DSCAML1: variants seen among roughly 807,000 people sequenced by gnomAD.
The protein encoded by DSCAML1 is DS cell adhesion molecule like 1.
DSCAML1 carries 38 observed loss-of-function variants against 200.5 expected under a neutral mutation model. The ratio of observed to expected loss-of-function variants is 0.19; its 90% CI spans 0.15 to 0.25. The LOEUF (loss-of-function observed/expected upper bound fraction) is 0.25. DSCAML1 is among the 10% of genes least tolerant of loss of function. The pLI is 1.00. For missense variants in DSCAML1, 2,223 were observed against 2,858.8 expected, an observed-to-expected ratio of 0.78 and a Z score of 5.07; for synonymous variants, 1,215 against 1,165.0, an observed-to-expected ratio of 1.04 and a Z score of -0.87.
intron 11 of DSCAML1, among the ~76,000 whole-genome samples, chr11:117,502,856 C>G (rs1345152522): frequency 6.6e-6 from 1 of 152,144 alleles, no homozygotes. Context: ...ACCCCCCGCT[C>G]ATAGTGTAGA....
chr11:117,800,711 G>T (rs2055649399), upstream of DSCAML1: 1 of 151,600 alleles, frequency 6.6e-6, no homozygotes, highest in African/African-American at 2.4e-5. Flanking sequence ...TTTTGTTTTT[G>T]TTTTTTTTAA....
At chr11:117,626,349 G>A (rs758195111) in intron 3 of DSCAML1, among the ~76,000 whole-genome samples, 1 of 152,190 alleles carries the variant, frequency 6.6e-6, no homozygotes, top group Non-Finnish European at 1.5e-5. Context: ...AGGACCCTGT[G>A]CCATGTTGCC....
At chr11:117,633,388 G>T (rs958930314) in intron 3 of DSCAML1, among the ~76,000 whole-genome samples, 10 of 152,214 alleles carry the variant, frequency 6.6e-5, no homozygotes, top group Admixed American at 2.6e-4. Context: ...GACAGACACG[G>T]CTAAATCCAG....
chr11:117,694,589 G>A (rs778528606), intron 3 of DSCAML1, among the ~76,000 whole-genome samples: 6 of 152,148 alleles, frequency 3.9e-5, no homozygotes, highest in Non-Finnish European at 7.4e-5. Context: ...CTAGGTCTCT[G>A]CCCCATCTAG....
intron 3 of DSCAML1, among the ~76,000 whole-genome samples, chr11:117,769,908 A>T (rs867030860): frequency 6.6e-6 from 1 of 152,180 alleles, no homozygotes; most frequent in Middle Eastern, 3.4e-3. Context: ...TCTAGGCAGT[A>T]CCTTCATGAG....
intron 32 of DSCAML1, 98 bp downstream of exon 32, chr11:117,430,624 A>G (rs1374409203): frequency 2.5e-5 from 35 of 1,403,186 alleles, no homozygotes; most frequent in Non-Finnish European, 3.3e-5. Flanking sequence ...CTGGGCTGGC[A>G]TGATCCTGGT....
chr11:117,578,063 T>C (rs1053984077), intron 3 of DSCAML1, among the ~76,000 whole-genome samples: 3 of 151,378 alleles, frequency 2.0e-5, no homozygotes, highest in East Asian at 4.0e-4. Context: ...GGTGAAACCC[T>C]GTCTTTACTA....
chr11:117,750,731 C>G (rs760238693), intron 3 of DSCAML1, among the ~76,000 whole-genome samples: 59 of 152,362 alleles, frequency 3.9e-4, no homozygotes, highest in Non-Finnish European at 8.1e-4. Context: ...GGTGCCACCA[C>G]TAACTGCTGT....
intron 3 of DSCAML1, among the ~76,000 whole-genome samples, chr11:117,761,127 G>A (rs1445912394): frequency 1.1e-4 from 16 of 152,102 alleles, no homozygotes; most frequent in Admixed American, 8.5e-4. Context: ...ACAGCCCACC[G>A]AGGAGTACTC....
At chr11:117,719,124 A>G (rs1323746478) in intron 3 of DSCAML1, among the ~76,000 whole-genome samples, 3 of 152,112 alleles carry the variant, frequency 2.0e-5, no homozygotes, top group Non-Finnish European at 4.4e-5. Flanking sequence ...GGGTGCTGTT[A>G]TATATTCATT....
chr11:117,814,533 C>T (rs1330906692), intron 1 of DSCAML1, among the ~76,000 whole-genome samples: 2 of 152,214 alleles, frequency 1.3e-5, no homozygotes, highest in Non-Finnish European at 2.9e-5. Flanking sequence ...TAATCAATCA[C>T]TCATTCATTC....
At chr11:117,600,138 C>T (rs774405680) in intron 3 of DSCAML1, among the ~76,000 whole-genome samples, 19 of 152,274 alleles carry the variant, frequency 1.2e-4, no homozygotes, top group Non-Finnish European at 2.5e-4. Flanking sequence ...GAAAAGCTTC[C>T]GAAATGAAGC....
intron 1 of DSCAML1, among the ~76,000 whole-genome samples, chr11:117,817,211 A>C (rs1475585213): frequency 6.6e-6 from 1 of 152,218 alleles, no homozygotes; most frequent in East Asian, 1.9e-4. Context: ...GAGACCCTGC[A>C]ACCCCATTGC....
At chr11:117,778,448 C>T (rs911031959) in intron 2 of DSCAML1, among the ~76,000 whole-genome samples, 2 of 152,228 alleles carry the variant, frequency 1.3e-5, no homozygotes, top group African/African-American at 4.8e-5. Context: ...GCCCTGCCTC[C>T]TCCACTGGCC....
chr11:117,471,976 A>G lies in DSCAML1; in HGVS notation c.2846T>C (p.Ile949Thr), dbSNP rs777133147. ...CACAGATGCCGGGTGCAAGTCCACA[A>G]TGTTGGCCTGGTTGATGGTGGGGGA... The part of the protein sequence containing the change: ...NISPTINQAN[I>T]VDLHPASVYS... The change falls in exon 15 of 33, where the codon ATT becomes ACT. Residue 949 changes from isoleucine to threonine, a missense_variant. Transcript: ENST00000651296. 1.2e-6 allele frequency: 2 copies of G among 1,614,118 alleles called. No homozygotes were observed. Among genetic ancestry groups the G allele is most frequent in the Non-Finnish European group, 1.7e-6 (2 of 1,180,014 alleles).
intron 4 of DSCAML1, among the ~76,000 whole-genome samples, chr11:117,525,296 A>C (rs1253803942): frequency 2.6e-5 from 4 of 152,158 alleles, no homozygotes; most frequent in African/African-American, 9.7e-5. Context: ...TTTGACTGGG[A>C]TTCCCAGCAG....
chr11:117,715,214 C>T, intron 3 of DSCAML1, among the ~76,000 whole-genome samples: 1 of 152,062 alleles, frequency 6.6e-6, no homozygotes, highest in East Asian at 1.9e-4. Flanking sequence ...CTTCTCCCGG[C>T]CTCAGCATGC....
At chr11:117,800,701 TTTTG>T (rs1396913870), upstream of DSCAML1, 1 of 150,536 alleles carries the variant, frequency 6.6e-6, no homozygotes, top group African/African-American at 2.5e-5. Flanking sequence ...GCTTTTGTGC[TTTTG>T]TTTTTGTTTT....
chr11:117,446,743 C>T (rs1592591399), intron 20 of DSCAML1, among the ~76,000 whole-genome samples: 1 of 152,202 alleles, frequency 6.6e-6, no homozygotes. Context: ...CTGGTAGAAA[C>T]ATACATGGGT....
Sources: allele counts gnomAD v4.1 joint callset (sites outside exome capture counted in the v4.1 genomes callset), GRCh38; gene constraint gnomAD v4.1.1; transcripts MANE v1.5; gene names NCBI Gene and HGNC (gene_info 2026-07-23, HGNC 2026-07-21).